MEMO1: variants seen among roughly 807,000 people sequenced by gnomAD.
MEMO1 encodes the protein mediator of cell motility 1.
Under a neutral mutation model 45.2 loss-of-function variants are expected in MEMO1, and 6 were observed. The observed-to-expected ratio is 0.13, with a 90% CI of 0.07 to 0.26. MEMO1 has a LOEUF of 0.26. Among genes scored for constraint, MEMO1 ranks in the 10% least tolerant of loss-of-function variants. The probability of loss-of-function intolerance (pLI) is 1.00; values close to 1 mark genes in which losing one functional copy is unlikely to be tolerated. For missense variants in MEMO1, 184 were observed against 370.5 expected (o/e 0.50, Z 4.13); for synonymous variants, 78 against 124.3 (o/e 0.63, Z 2.48).
At chr2:31,963,882 T>C (rs1668306232) in intron 2 of MEMO1, among the ~76,000 whole-genome samples, 1 of 152,172 alleles carries the variant, frequency 6.6e-6, no homozygotes, top group South Asian at 2.1e-4. Context: ...GCTATAAGTA[T>C]AAAATACACA....
intron 4 of MEMO1, 66 bp from the exon 5 acceptor site, chr2:31,920,976 G>C (rs753776412): frequency 7.5e-5 from 81 of 1,075,178 alleles, no homozygotes; most frequent in Non-Finnish European, 1.1e-4. Context: ...TTAAATAAAA[G>C]AGAAAAAAGT....
intron 2 of MEMO1, among the ~76,000 whole-genome samples, chr2:31,952,177 T>C (rs1321664206): frequency 1.3e-5 from 2 of 152,208 alleles, no homozygotes; most frequent in East Asian, 3.8e-4. Context: ...CACCGACTGT[T>C]CGCCTTTATA....
intron 2 of MEMO1, among the ~76,000 whole-genome samples, chr2:31,960,196 CAA>C (rs200243452): frequency 1.1e-4 from 13 of 123,016 alleles, no homozygotes; most frequent in East Asian, 2.3e-4. Flanking sequence ...GATCCTCTCT[CAA>C]AAAAAAAAAA....
chr2:31,979,000 A>G (rs1391628931), intron 2 of MEMO1, among the ~76,000 whole-genome samples: 1 of 152,168 alleles, frequency 6.6e-6, no homozygotes, highest in Non-Finnish European at 1.5e-5. Context: ...TCACACTGCT[A>G]TAAAGATACC....
At chr2:31,903,581 T>G (rs1679205031) in intron 6 of MEMO1, among the ~76,000 whole-genome samples, 1 of 152,176 alleles carries the variant, frequency 6.6e-6, no homozygotes, top group African/African-American at 2.4e-5. Context: ...AAGAATGATT[T>G]GCTATTATTC....
chr2:31,937,844 T>G (rs1228910904), intron 3 of MEMO1, among the ~76,000 whole-genome samples: 2 of 152,204 alleles, frequency 1.3e-5, no homozygotes, highest in East Asian at 3.8e-4. Flanking sequence ...ATTTTTATAT[T>G]TAATAAGTTT....
intron 6 of MEMO1, among the ~76,000 whole-genome samples, chr2:31,905,588 T>C (rs1679541891): frequency 6.6e-6 from 1 of 152,198 alleles, no homozygotes. Flanking sequence ...AAGTTTGCTG[T>C]CAGAATCATA....
chr2:31,936,430 T>C (rs76115362), intron 3 of MEMO1, among the ~76,000 whole-genome samples: 3 of 152,214 alleles, frequency 2.0e-5, no homozygotes, highest in Admixed American at 6.5e-5. Context: ...CCTCTAAAAA[T>C]TGATCCTTCT....
intron 2 of MEMO1, among the ~76,000 whole-genome samples, chr2:31,969,386 T>TATATATACGTGTATATAC (rs1669025280): frequency 6.7e-6 from 1 of 149,456 alleles, no homozygotes; most frequent in African/African-American, 2.4e-5. Flanking sequence ...CACATGTGTA[T>TATATATACGTGTATATAC]ATATATACGT....
intron 4 of MEMO1, among the ~76,000 whole-genome samples, chr2:31,931,498 C>A (rs1350156842): frequency 6.6e-6 from 1 of 151,666 alleles, no homozygotes; most frequent in Non-Finnish European, 1.5e-5. Context: ...TGTAAGTTCA[C>A]AAGTTTCTTA....
chr2:31,868,524 C>T, intron 9 of MEMO1, 32 bp from the exon 10 acceptor site: 7 of 1,557,754 alleles, frequency 4.5e-6, no homozygotes, highest in Non-Finnish European at 6.1e-6. Context: ...TTAGGACACA[C>T]ATCACATAAA....
At chr2:31,875,049 T>C (rs1674365322) in intron 8 of MEMO1, among the ~76,000 whole-genome samples, 1 of 151,968 alleles carries the variant, frequency 6.6e-6, no homozygotes, top group African/African-American at 2.4e-5. Flanking sequence ...AACAATATAC[T>C]AATAAAATAG....
rs528237154 is a variant in MEMO1 at position 32,002,286 on chromosome 2, TATATAC to T, written c.61+7895_61+7900del. Among the ~76,000 whole-genome samples the T allele has an allele frequency of 2.6e-3, 383 of 147,058 alleles. 7 individuals are homozygous for T. In the South Asian group the frequency reaches 0.043, roughly 16 times the overall value. The stretch of plus-strand genomic sequence containing the variant: ...ATACATACACATATATACATGTACA[TATATAC>T]ATATACATATACATATATACATACA... On this transcript the variant is annotated intron_variant, in intron 2 of 9. Transcript: ENST00000404530.
chr2:31,894,617 T>G (rs927339846), intron 6 of MEMO1, among the ~76,000 whole-genome samples: 2 of 151,916 alleles, frequency 1.3e-5, no homozygotes, highest in Admixed American at 6.6e-5. Context: ...GGTCCTAAGC[T>G]CCACACAAAA....
At chr2:31,904,220 GAAT>G (rs761657821) in intron 6 of MEMO1, among the ~76,000 whole-genome samples, 8 of 152,220 alleles carry the variant, frequency 5.3e-5, no homozygotes, top group Non-Finnish European at 7.3e-5. Context: ...TAGCATCTGT[GAAT>G]TTGGTTTTTA....
At chr2:31,984,448 C>A (rs1332200609) in intron 2 of MEMO1, among the ~76,000 whole-genome samples, 1 of 152,130 alleles carries the variant, frequency 6.6e-6, no homozygotes, top group Non-Finnish European at 1.5e-5. Context: ...TGTCACAGAT[C>A]AGAGAAGACT....
At position 31,951,737 on chromosome 2, in the gene MEMO1, G is replaced by A. The variant is rs185791539; in HGVS notation, c.62-8354C>T. On this transcript the variant is annotated intron_variant, in intron 2 of 9. Transcript: ENST00000404530. ...AGTAGAGATGAGGTTTCACCATCTT[G>A]GCCAGGCTGGTCTTGAACTTTTGAC... is the stretch of plus-strand genomic sequence containing the variant. Among the ~76,000 whole-genome samples, 510 of 152,116 alleles carry A rather than the reference G, an allele frequency of 3.4e-3. 2 individuals are homozygous for A. Among genetic ancestry groups the A allele is most frequent in the Non-Finnish European group, 4.9e-3 (330 of 67,994 alleles).
chr2:31,892,426 A>G (rs1353011153), intron 6 of MEMO1, among the ~76,000 whole-genome samples: 3 of 152,192 alleles, frequency 2.0e-5, no homozygotes, highest in African/African-American at 7.2e-5. Flanking sequence ...AACATCTCAA[A>G]AAATAAAAAC....
At chr2:31,932,202 C>T in intron 3 of MEMO1, 67 bp from the exon 4 acceptor site, 1 of 1,388,170 alleles carries the variant, frequency 7.2e-7, no homozygotes, top group East Asian at 2.3e-5. Context: ...GAAAGAAAAA[C>T]CTTGAAATAA....
Sources: allele counts gnomAD v4.1 joint callset (sites outside exome capture counted in the v4.1 genomes callset), GRCh38; gene constraint gnomAD v4.1.1; transcripts MANE v1.5; gene names NCBI Gene and HGNC (gene_info 2026-07-23, HGNC 2026-07-21).